LPP: variants seen among roughly 807,000 people sequenced by gnomAD.
The protein encoded by LPP is LIM domain containing preferred translocation partner in lipoma.
Under a neutral mutation model 60.4 loss-of-function variants are expected in LPP, and 38 were observed. That is an observed-to-expected ratio of 0.63 (90% confidence interval 0.49 to 0.83). The LOEUF (loss-of-function observed/expected upper bound fraction) is 0.83, where lower values mean the gene tolerates loss of function less well. Ranked by LOEUF, LPP falls within the 40% of genes least tolerant of loss-of-function variation. The probability of loss-of-function intolerance (pLI) is 0.00; values close to 1 mark genes in which losing one functional copy is unlikely to be tolerated. For missense variants in LPP, 902 were observed against 783.6 expected (o/e 1.15, Z -1.80); for synonymous variants, 328 against 290.8 (o/e 1.13, Z -1.30).
chr3:188,520,403 C>A (rs1174162143), intron 5 of LPP, among the ~76,000 whole-genome samples: 1 of 152,188 alleles, frequency 6.6e-6, no homozygotes, highest in African/African-American at 2.4e-5. Context: ...CTGTGCCGGG[C>A]CTTCTCTGCA....
intron 3 of LPP, among the ~76,000 whole-genome samples, chr3:188,380,159 C>T (rs75862665): frequency 0.013 from 2,002 of 152,328 alleles, 77 homozygotes; most frequent in East Asian, 0.12. Flanking sequence ...TCATATTCCA[C>T]TGCCTCTTAC....
At chr3:188,459,384 T>TAG (rs1798475715) in intron 4 of LPP, among the ~76,000 whole-genome samples, 1 of 152,012 alleles carries the variant, frequency 6.6e-6, no homozygotes, top group Non-Finnish European at 1.5e-5. Flanking sequence ...AGAGAGCACA[T>TAG]AGAGAGAGGT....
At chr3:188,602,654 C>A (rs1200364333) in intron 6 of LPP, among the ~76,000 whole-genome samples, 1 of 151,082 alleles carries the variant, frequency 6.6e-6, no homozygotes, top group South Asian at 2.1e-4. Context: ...GGTACCTCGA[C>A]CCCAGTGAAG....
At chr3:188,547,130 C>A (rs1210468222) in intron 6 of LPP, among the ~76,000 whole-genome samples, 1 of 152,108 alleles carries the variant, frequency 6.6e-6, no homozygotes, top group African/African-American at 2.4e-5. Context: ...ATATATATTA[C>A]AGGAACTGGA....
At chr3:188,442,960 G>A (rs965523676) in intron 4 of LPP, among the ~76,000 whole-genome samples, 2 of 152,132 alleles carry the variant, frequency 1.3e-5, no homozygotes, top group African/African-American at 2.4e-5. Flanking sequence ...AAGAGTTTGT[G>A]TGTCTATTTG....
chr3:188,425,010 C>CTTG (rs1788898325), intron 4 of LPP, among the ~76,000 whole-genome samples: 1 of 152,156 alleles, frequency 6.6e-6, no homozygotes. Context: ...AGAGGGCATC[C>CTTG]TTGTCTTGTG....
chr3:188,240,193 GTTTCA>G, intron 2 of LPP: 1 of 181,154 alleles, frequency 5.5e-6, no homozygotes, highest in African/African-American at 2.4e-5. Context: ...ATATCTGTGT[GTTTCA>G]TTTTCCTTTC....
chr3:188,845,403 T>C (rs781383557), intron 9 of LPP, among the ~76,000 whole-genome samples: 1 of 152,176 alleles, frequency 6.6e-6, no homozygotes, highest in African/African-American at 2.4e-5. Flanking sequence ...TTGAGAGAGA[T>C]GAAAAGTTCA....
intron 2 of LPP, among the ~76,000 whole-genome samples, chr3:188,310,497 T>C (rs1753070997): frequency 6.6e-6 from 1 of 152,120 alleles, no homozygotes; most frequent in Non-Finnish European, 1.5e-5. Flanking sequence ...TGCTGACACA[T>C]GAAATAATTG....
At chr3:188,403,190 TG>T (rs1486265702) in intron 3 of LPP, among the ~76,000 whole-genome samples, 3 of 152,194 alleles carry the variant, frequency 2.0e-5, no homozygotes, top group Non-Finnish European at 1.5e-5. Context: ...TGGGGATAAC[TG>T]AAATGACTGT....
chr3:188,732,946 T>C (rs1402476261), intron 8 of LPP, among the ~76,000 whole-genome samples: 1 of 151,898 alleles, frequency 6.6e-6, no homozygotes, highest in Admixed American at 6.6e-5. Flanking sequence ...CTCACCTTAG[T>C]GGTAATTTCT....
intron 5 of LPP, among the ~76,000 whole-genome samples, chr3:188,509,673 CCTTCCTTCCTTCCT>C (rs1455352669): frequency 1.3e-4 from 4 of 30,420 alleles, no homozygotes; most frequent in African/African-American, 2.5e-4. Flanking sequence ...TTCCTTCCTT[CCTTCCTTCCTTCCT>C]CTCTCTCTCT....
rs1843358569 is a variant in LPP at position 188,610,013 on chromosome 3, G to T, written c.1113+169G>T. Among the ~76,000 whole-genome samples the T allele has an allele frequency of 6.6e-6, 1 of 152,162 alleles. No homozygotes were observed. The highest frequency in any genetic ancestry group is 6.5e-5 in the Admixed American group (1 of 15,280). Reference sequence around the variant, plus strand: ...CCAGAGAGGAGAGAGAGACTACTTAGTATGTTACTAATATGGCCACTGTTT... The same window carrying T: ...CCAGAGAGGAGAGAGAGACTACTTATTATGTTACTAATATGGCCACTGTTT... On this transcript the variant is annotated intron_variant, in intron 7 of 11. Coordinates refer to ENST00000617246, the MANE Select transcript of LPP (RefSeq NM_001375462.1). This position sits in a 1 kb window ranked among gnomAD's most constrained non-coding sequence, Gnocchi z 4.4.
At chr3:188,679,038 G>A (rs1225848369) in intron 7 of LPP, among the ~76,000 whole-genome samples, 4 of 152,318 alleles carry the variant, frequency 2.6e-5, no homozygotes, top group African/African-American at 7.2e-5. Context: ...GTTAACATGT[G>A]CTCTGGGGTA....
intron 7 of LPP, among the ~76,000 whole-genome samples, chr3:188,657,226 G>T (rs6444314): frequency 7.3e-6 from 1 of 137,654 alleles, no homozygotes; most frequent in African/African-American, 2.7e-5. Flanking sequence ...TAATACTGTA[G>T]TGATGTATAA....
chr3:188,497,885 G>T (rs371986714), intron 5 of LPP, among the ~76,000 whole-genome samples: 2 of 152,110 alleles, frequency 1.3e-5, no homozygotes, highest in East Asian at 1.9e-4. Context: ...AACCAGTTTT[G>T]GGCCACGGCA....
chr3:188,205,080 A>T (rs1732793196), intron 1 of LPP, among the ~76,000 whole-genome samples: 1 of 152,076 alleles, frequency 6.6e-6, no homozygotes, highest in African/African-American at 2.4e-5. Context: ...GAGTATCTAG[A>T]AACATTTATG....
intron 7 of LPP, among the ~76,000 whole-genome samples, chr3:188,703,324 A>G (rs1459691562): frequency 6.6e-6 from 1 of 152,190 alleles, no homozygotes; most frequent in Non-Finnish European, 1.5e-5. Context: ...ACAGTTGTTC[A>G]TTTTTCTTAG....
chr3:188,790,840 CATATAGCGTAGA>C (rs1743467446), intron 9 of LPP, among the ~76,000 whole-genome samples: 1 of 150,070 alleles, frequency 6.7e-6, no homozygotes, highest in African/African-American at 2.5e-5. Flanking sequence ...AAAATGTTAG[CATATAGCGTAGA>C]ATTCAGCTTT....
Sources: allele counts gnomAD v4.1 joint callset (sites outside exome capture counted in the v4.1 genomes callset), GRCh38; gene constraint gnomAD v4.1.1; non-coding constraint Gnocchi (gnomAD v3.1); transcripts MANE v1.5; gene names NCBI Gene and HGNC (gene_info 2026-07-23, HGNC 2026-07-21).